The following COL4A1 variants were observed in gnomAD, a reference collection of about 807,000 sequenced individuals.
The protein encoded by COL4A1 is collagen type IV alpha 1 chain, also known as collagen alpha-1(IV) chain.
COL4A1 carries 40 observed loss-of-function variants against 216.6 expected under a neutral mutation model. That is an observed-to-expected ratio of 0.18 (90% CI 0.14 to 0.24). COL4A1 has a LOEUF of 0.24. COL4A1 is among the 10% of genes least tolerant of loss of function. The probability of loss-of-function intolerance (pLI) is 1.00; values close to 1 mark genes in which losing one functional copy is unlikely to be tolerated. For missense variants in COL4A1, 1,628 were observed against 2,196.8 expected, an observed-to-expected ratio of 0.74 and a Z score of 5.18; for synonymous variants, 839 against 810.7, an observed-to-expected ratio of 1.03 and a Z score of -0.59.
chr13:110,199,314 G>T (rs1420205132), intron 20 of COL4A1, among the ~76,000 whole-genome samples: 1 of 152,216 alleles, frequency 6.6e-6, no homozygotes, highest in African/African-American at 2.4e-5. Context: ...TGAGAAAAAG[G>T]ACAGTCGAGG....
At chr13:110,166,211 C>A (rs759061826) in intron 45 of COL4A1, 21 bp downstream of exon 45, 49 of 1,477,394 alleles carry the variant, frequency 3.3e-5, no homozygotes, top group Non-Finnish European at 3.8e-5. Context: ...AAGGTGTCCA[C>A]AGATCAACAA....
chr13:110,243,890 A>T (rs1336494332), intron 1 of COL4A1, among the ~76,000 whole-genome samples: 1 of 152,232 alleles, frequency 6.6e-6, no homozygotes, highest in African/African-American at 2.4e-5. Context: ...AATTTCCATT[A>T]TGTAAAATTG....
intron 45 of COL4A1, 27 bp downstream of exon 45, chr13:110,166,204 GT>G: frequency 7.4e-7 from 1 of 1,357,688 alleles, no homozygotes; most frequent in Non-Finnish European, 1.1e-6. Context: ...CACCAGTAAG[GT>G]GTCCACAGAT....
chr13:110,222,825 A>T (rs1880568516), intron 2 of COL4A1, among the ~76,000 whole-genome samples: 1 of 150,386 alleles, frequency 6.6e-6, no homozygotes, highest in Non-Finnish European at 1.5e-5. Context: ...CTAAATATTC[A>T]TTGTAGTAAT....
chr13:110,213,661 G>T, intron 4 of COL4A1, 121 bp downstream of exon 4: 1 of 1,005,534 alleles, frequency 9.9e-7, no homozygotes, highest in Non-Finnish European at 1.6e-6. Flanking sequence ...CCCGTGCTGT[G>T]TGAGCTGGGA....
chr13:110,286,615 G>A (rs531186121), intron 1 of COL4A1, among the ~76,000 whole-genome samples: 41 of 152,312 alleles, frequency 2.7e-4, no homozygotes, highest in Non-Finnish European at 1.0e-4. Flanking sequence ...TAGGCACCCC[G>A]GAGTGCCAGA....
intron 1 of COL4A1, among the ~76,000 whole-genome samples, chr13:110,284,916 G>A (rs1322763045): frequency 6.6e-6 from 1 of 152,194 alleles, no homozygotes; most frequent in African/African-American, 2.4e-5. Flanking sequence ...GATAAGCCTA[G>A]AGATGACACC....
chr13:110,253,819 ATG>A (rs1566419259), intron 1 of COL4A1, among the ~76,000 whole-genome samples: 4 of 95,430 alleles, frequency 4.2e-5, no homozygotes, highest in Middle Eastern at 4.8e-3. Context: ...AATTATACGT[ATG>A]TATGTATTAT....
Position 110,268,040 on chromosome 13 carries a change from C to CT in COL4A1, c.85-25307dup, listed in dbSNP as rs1491346002. On this transcript the variant is annotated intron_variant, in intron 1 of 51. Transcript: ENST00000375820. The surrounding 1 kb of genome is among the most constrained non-coding windows in gnomAD (Gnocchi z 4.1). ...AAAAAAAAAATACAGAAAAAAGAAA[C>CT]TCTCTGGAAAGCAGTGGTCACAAAG... Among the ~76,000 whole-genome samples, 4 of 152,018 alleles carry CT rather than the reference C, an allele frequency of 2.6e-5. No individual in the cohort carries two copies. The highest frequency in any genetic ancestry group is 5.9e-5 in the Non-Finnish European group (4 of 68,018).
At position 110,207,304 on chromosome 13, in the gene COL4A1, T is replaced by TTC. The variant is rs1380623787; in HGVS notation, c.780+98_780+99insGA. On this transcript the variant is annotated intron_variant, in intron 13 of 51. Transcript: ENST00000375820. This position sits in a 1 kb window ranked among gnomAD's most constrained non-coding sequence, Gnocchi z 4.4. The stretch of plus-strand genomic sequence containing the variant: ...ATCTGTTTTCCAGACCAGGATTGAA[T>TTC]GTAGCTGGAAAAACTGAGTTTTGAC... 9.7e-7 allele frequency: 1 copy of TTC among 1,027,432 alleles called. No individual in the cohort carries two copies. Among genetic ancestry groups the TTC allele is most frequent in the African/African-American group, 1.6e-5 (1 of 64,272 alleles). 63.6% of individuals were successfully genotyped at this position (1,027,432 alleles called of 1,614,324 possible). A position where few individuals can be genotyped will look rare whatever the true frequency, so the allele number is the denominator to read the frequency against.
intron 26 of COL4A1, 45 bp downstream of exon 26, chr13:110,186,340 T>A (rs1251423015): frequency 2.5e-6 from 4 of 1,610,472 alleles, no homozygotes; most frequent in Admixed American, 1.7e-5. Flanking sequence ...TGCCCTAACC[T>A]CCGTTTACAA....
In COL4A1 at chr13:110,178,234, G is replaced by A; in HGVS notation, c.2459-3C>T. The A allele has an allele frequency of 6.2e-7, 1 of 1,613,726 alleles. No homozygotes were observed. Among genetic ancestry groups the A allele is most frequent in the Non-Finnish European group, 8.5e-7 (1 of 1,180,046 alleles). On this transcript the variant is annotated splice_polypyrimidine_tract_variant and splice_region_variant and intron_variant, in intron 31 of 51. Coordinates refer to ENST00000375820, the MANE Select transcript of COL4A1 (RefSeq NM_001845.6). ...CTCTCCTTTTATTCCAGGAGGGCCTGCAGTTGGGTGAAACACAAATAACTT... is the reference window on the plus strand; with the variant it reads ...CTCTCCTTTTATTCCAGGAGGGCCTACAGTTGGGTGAAACACAAATAACTT...
chr13:110,151,200 CT>C (rs774424737), intron 51 of COL4A1, among the ~76,000 whole-genome samples: 5 of 152,006 alleles, frequency 3.3e-5, no homozygotes, highest in Non-Finnish European at 5.9e-5. Flanking sequence ...ATTTTATTAA[CT>C]TTTGGTGCAA....
At chr13:110,270,572 C>T (rs1017937742) in intron 1 of COL4A1, among the ~76,000 whole-genome samples, 3 of 152,176 alleles carry the variant, frequency 2.0e-5, no homozygotes, top group Non-Finnish European at 4.4e-5. Flanking sequence ...TTCATGGCCC[C>T]TTTGTACACT....
intron 2 of COL4A1, among the ~76,000 whole-genome samples, chr13:110,233,139 G>A (rs1881143345): frequency 6.6e-6 from 1 of 152,032 alleles, no homozygotes; most frequent in Admixed American, 6.6e-5. Context: ...TTTTACCCTT[G>A]AATTCAGGCA....
Position 110,181,296 on chromosome 13 carries a change from T to C in COL4A1, c.2189A>G (p.Gln730Arg). ...GLPGNPGVQG[Q>R]KGEPGVGLPG... ...GAGGGAATGCTTGGCACTCACCTTC[T>C]GGCCCTGCACACCTGGGTTCCCAGG... Residue 730 changes from glutamine to arginine, a missense_variant, in exon 29 of 52, where the codon CAG becomes CGG. Coordinates refer to ENST00000375820, the MANE Select transcript of COL4A1 (RefSeq NM_001845.6). The C allele has an allele frequency of 6.2e-7, 1 of 1,613,826 alleles. No individual in the cohort carries two copies. Among genetic ancestry groups the C allele is most frequent in the Non-Finnish European group, 8.5e-7 (1 of 1,179,838 alleles).
chr13:110,258,610 C>T (rs1463404293), intron 1 of COL4A1, among the ~76,000 whole-genome samples: 2 of 152,108 alleles, frequency 1.3e-5, no homozygotes, highest in Non-Finnish European at 2.9e-5. Context: ...CATCTATTTA[C>T]ACCAACTATG....
intron 23 of COL4A1, 99 bp from the exon 24 acceptor site, chr13:110,192,383 A>G: frequency 9.1e-7 from 1 of 1,102,390 alleles, no homozygotes; most frequent in African/African-American, 1.5e-5. Context: ...TCTGTATAGG[A>G]AGTGGATGAT....
rs868468522 is a variant in COL4A1, at chr13:110,276,973, A to G, written c.84+29971T>C. On this transcript the variant is annotated intron_variant, in intron 1 of 51. Coordinates refer to ENST00000375820, the MANE Select transcript of COL4A1 (RefSeq NM_001845.6). ...GATTCCTTCCCAGACCTTTAAAAGC[A>G]GGGACCCACTGGGATCCTTTTGCAG... Among the ~76,000 whole-genome samples, 80 of 152,338 alleles carry G rather than the reference A, an allele frequency of 5.3e-4. 1 individual carries two copies. Among genetic ancestry groups the G allele is most frequent in the African/African-American group, 1.9e-3 (78 of 41,588 alleles).
Sources: gnomAD v4.1 joint callset for allele counts (sites outside exome capture counted in the v4.1 genomes callset) on GRCh38, gnomAD v4.1.1 for gene constraint, Gnocchi (gnomAD v3.1) non-coding constraint, MANE v1.5 for transcripts, NCBI Gene and HGNC (gene_info 2026-07-23, HGNC 2026-07-21) for gene names.